The following FAM149B1 variants were observed in gnomAD, a reference collection of about 807,000 sequenced individuals.
The protein encoded by FAM149B1 is primary cilium assembly protein FAM149B1.
A neutral mutation model predicts 75.3 loss-of-function variants in FAM149B1; 56 were observed. The ratio of observed to expected loss-of-function variants is 0.74; its 90% confidence interval spans 0.60 to 0.93. The LOEUF is 0.93. Ranked by LOEUF, FAM149B1 falls within the 40% of genes least tolerant of loss-of-function variation. The probability of loss-of-function intolerance (pLI) is 0.00; values close to 1 mark genes in which losing one functional copy is unlikely to be tolerated. For missense variants in FAM149B1, 639 were observed against 708.4 expected, an observed-to-expected ratio of 0.90 and a Z score of 1.11; for synonymous variants, 259 against 256.1, an observed-to-expected ratio of 1.01 and a Z score of -0.11.
chr10:73,201,804 G>A (rs1440781320), intron 5 of FAM149B1, among the ~76,000 whole-genome samples: 1 of 151,970 alleles, frequency 6.6e-6, no homozygotes, highest in Non-Finnish European at 1.5e-5. Flanking sequence ...CAGTAAAATT[G>A]CCATATTGCA....
At position 73,228,191 on chromosome 10, in the gene FAM149B1, C is replaced by A; in HGVS notation, c.1023+7C>A. ...GTACATTACCTCAAATCCGGTAAGCCCCAGAGGGATCAGTTGGAGACCCCA... is the reference window on the plus strand; with the variant it reads ...GTACATTACCTCAAATCCGGTAAGCACCAGAGGGATCAGTTGGAGACCCCA... On this transcript the variant is annotated splice_region_variant and intron_variant, in intron 8 of 13. Coordinates refer to ENST00000242505, the MANE Select transcript of FAM149B1 (RefSeq NM_173348.2). 1 of 1,551,516 alleles carries A rather than the reference C, an allele frequency of 6.4e-7. No individual in the cohort carries two copies. The highest frequency in any genetic ancestry group is 8.7e-7 in the Non-Finnish European group (1 of 1,146,890).
chr10:73,232,741 G>A (rs1030675002), intron 9 of FAM149B1, among the ~76,000 whole-genome samples, 198 bp from the exon 10 acceptor site: 4 of 152,180 alleles, frequency 2.6e-5, no homozygotes, highest in African/African-American at 9.7e-5. Flanking sequence ...TTGAAATAAT[G>A]TCCCACTTTT....
intron 3 of FAM149B1, among the ~76,000 whole-genome samples, chr10:73,185,033 G>T (rs2042487130): frequency 6.6e-6 from 1 of 152,104 alleles, no homozygotes; most frequent in African/African-American, 2.4e-5. Context: ...ACATGATCAG[G>T]AATGAAAGAG....
chr10:73,180,733 G>T (rs1389796618), intron 3 of FAM149B1, among the ~76,000 whole-genome samples: 1 of 151,772 alleles, frequency 6.6e-6, no homozygotes, highest in Non-Finnish European at 1.5e-5. Context: ...ATTCCTTCAG[G>T]TGTTTATCCT....
At position 73,235,255 on chromosome 10, in the gene FAM149B1, G is replaced by C. The variant is rs1466615694; in HGVS notation, c.1539G>C (p.Gln513His). The C allele has an allele frequency of 6.4e-7, 1 of 1,551,974 alleles. No individual in the cohort carries two copies. Among genetic ancestry groups the C allele is most frequent in the African/African-American group, 1.4e-5 (1 of 73,144 alleles). Residue 513 changes from glutamine to histidine, a missense_variant, in exon 12 of 14, where the codon CAG becomes CAC. Physicochemically the swap from Gln to His is conservative, Grantham distance 24 (BLOSUM62 0). Coordinates refer to ENST00000242505, the MANE Select transcript of FAM149B1 (RefSeq NM_173348.2). ...TGGTGGATGAACCTAACTATCAGCA[G>C]CCACAAGAAAGGCTCCTTTTGCCCG... Reference protein sequence around the residue: ...SAVVDEPNYQQPQERLLLPDF... With the variant: ...SAVVDEPNYQHPQERLLLPDF...
intron 9 of FAM149B1, among the ~76,000 whole-genome samples, 161 bp from the exon 10 acceptor site, chr10:73,232,778 G>A (rs1228023247): frequency 6.6e-6 from 1 of 152,210 alleles, no homozygotes; most frequent in Non-Finnish European, 1.5e-5. Context: ...GCCTGAGCTA[G>A]AGTACCATCT....
chr10:73,220,669 A>C (rs568446150), intron 7 of FAM149B1, among the ~76,000 whole-genome samples: 19 of 152,146 alleles, frequency 1.2e-4, no homozygotes, highest in African/African-American at 3.6e-4. Flanking sequence ...TTCTGAGGTA[A>C]TAAGAGTGGG....
intron 12 of FAM149B1, among the ~76,000 whole-genome samples, chr10:73,237,462 G>C (rs1390439530): frequency 6.6e-6 from 1 of 151,944 alleles, no homozygotes; most frequent in African/African-American, 2.4e-5. Flanking sequence ...TGTCGCCCAG[G>C]CTAGAGTGCT....
intron 2 of FAM149B1, among the ~76,000 whole-genome samples, chr10:73,177,234 G>A (rs1223666477): frequency 6.6e-6 from 1 of 151,984 alleles, no homozygotes; most frequent in Non-Finnish European, 1.5e-5. Context: ...TGCCATACAA[G>A]ATCAGATACT....
At chr10:73,235,613 T>G in intron 12 of FAM149B1, 1 of 389,712 alleles carries the variant, frequency 2.6e-6, no homozygotes, top group Non-Finnish European at 4.3e-6. Context: ...TAAGCATAAC[T>G]TTATTATGTA....
chr10:73,224,430 A>C (rs2043487973), intron 7 of FAM149B1, among the ~76,000 whole-genome samples: 1 of 152,118 alleles, frequency 6.6e-6, no homozygotes, highest in Admixed American at 6.6e-5. Context: ...CATACAATGG[A>C]ATACTATACC....
chr10:73,243,374 A>G lies in FAM149B1; in HGVS notation c.*2355A>G, dbSNP rs755911565. The G allele has an allele frequency of 6.2e-7, 1 of 1,611,522 alleles. No individual in the cohort carries two copies. The highest frequency in any genetic ancestry group is 1.1e-5 in the South Asian group (1 of 91,006). ...CCTACGATGGCATCAATTTACACCT[A>G]AGGACCTTTGAAGAGAAAAATTCCA... On this transcript the variant is annotated 3_prime_UTR_variant, in exon 14 of 14. Coordinates refer to ENST00000242505, the MANE Select transcript of FAM149B1 (RefSeq NM_173348.2).
chr10:73,242,737 T>C lies in FAM149B1; in HGVS notation c.*1718T>C, dbSNP rs1259039510. On this transcript the variant is annotated 3_prime_UTR_variant, in exon 14 of 14. Transcript: ENST00000242505. ...CTATTATAAAGCTGACCAGGGCTAT[T>C]GTTTTCCCCTTTTCTCTCATCCTAA... 6.6e-6 allele frequency: 1 copy of C among 152,228 alleles called. No homozygotes were observed. The highest frequency in any genetic ancestry group is 2.4e-5 in the African/African-American group (1 of 41,450). The allele number at this position is 152,228 out of a possible 1,614,324, so 9.4% of individuals were successfully genotyped here. A position where few individuals can be genotyped will look rare whatever the true frequency, so the allele number is the denominator to read the frequency against.
chr10:73,243,964 C>T lies in FAM149B1; in HGVS notation c.*2945C>T. On this transcript the variant is annotated 3_prime_UTR_variant, in exon 14 of 14. Coordinates refer to ENST00000242505, the MANE Select transcript of FAM149B1 (RefSeq NM_173348.2). ...GAACTCACATGAGACTCAGGGCCAC[C>T]AGGAAATGCTTAAAATACATACTCT... The T allele has an allele frequency of 2.6e-6, 4 of 1,561,444 alleles. No individual in the cohort carries two copies. The highest frequency in any genetic ancestry group is 2.3e-5 in the South Asian group (2 of 87,364).
At chr10:73,176,878 T>C (rs1564678247) in intron 2 of FAM149B1, among the ~76,000 whole-genome samples, 1 of 151,768 alleles carries the variant, frequency 6.6e-6, no homozygotes, top group Non-Finnish European at 1.5e-5. Context: ...AATACAAAAA[T>C]TGGCTGGGGG....
intron 7 of FAM149B1, among the ~76,000 whole-genome samples, chr10:73,225,215 T>A (rs1023382065): frequency 6.6e-6 from 1 of 152,242 alleles, no homozygotes; most frequent in Non-Finnish European, 1.5e-5. Context: ...ACCATGTCTT[T>A]TAAAGTTAAC....
At chr10:73,214,389 G>A (rs946120429) in intron 7 of FAM149B1, among the ~76,000 whole-genome samples, 1 of 152,126 alleles carries the variant, frequency 6.6e-6, no homozygotes, top group African/African-American at 2.4e-5. Flanking sequence ...TCTAGCTTTA[G>A]GGAATGCTTT....
intron 3 of FAM149B1, among the ~76,000 whole-genome samples, chr10:73,191,336 C>CTTTT (rs1344368813): frequency 8.1e-6 from 1 of 124,066 alleles, no homozygotes; most frequent in African/African-American, 3.0e-5. Context: ...CCGCCTTGGC[C>CTTTT]TTTTTTTTTT....
At chr10:73,198,280 AG>A (rs1318616029) in intron 5 of FAM149B1, among the ~76,000 whole-genome samples, 3 of 152,224 alleles carry the variant, frequency 2.0e-5, no homozygotes, top group Non-Finnish European at 2.9e-5. Flanking sequence ...GTAAAGCTTC[AG>A]GCCATTGGAT....
Sources: allele counts gnomAD v4.1 joint callset (sites outside exome capture counted in the v4.1 genomes callset), GRCh38; gene constraint gnomAD v4.1.1; transcripts MANE v1.5; gene names NCBI Gene and HGNC (gene_info 2026-07-23, HGNC 2026-07-21).